TBC1D14: variants seen among roughly 807,000 people sequenced by gnomAD.
TBC1D14 encodes the protein TBC1 domain family member 14, also known as TBC1 domain family, member 14.
In TBC1D14, 26 loss-of-function variants were observed where a neutral mutation model predicts 79.0. The observed-to-expected ratio is 0.33, with a 90% CI of 0.24 to 0.46. The LOEUF (loss-of-function observed/expected upper bound fraction) is 0.46, where lower values mean the gene tolerates loss of function less well. Among genes scored for constraint, TBC1D14 ranks in the 20% least tolerant of loss-of-function variants. TBC1D14 has a pLI of 1.00. For missense variants in TBC1D14, 769 were observed against 887.6 expected (o/e 0.87, Z 1.70); for synonymous variants, 394 against 349.9 (o/e 1.13, Z -1.40).
chr4:7,001,430 A>G (rs1026402769), intron 7 of TBC1D14, 179 bp downstream of exon 7: 27 of 578,938 alleles, frequency 4.7e-5, no homozygotes, highest in Non-Finnish European at 8.0e-5. Flanking sequence ...AGTGCTGTGC[A>G]CTCCGGTTAC....
intron 13 of TBC1D14, among the ~76,000 whole-genome samples, chr4:7,028,948 C>T (rs1722762937): frequency 6.6e-6 from 1 of 152,138 alleles, no homozygotes; most frequent in Admixed American, 6.5e-5. Flanking sequence ...AGCAATTCTT[C>T]CACCTCAATC....
At chr4:7,002,065 G>A (rs1300605766) in intron 7 of TBC1D14, among the ~76,000 whole-genome samples, 1 of 152,100 alleles carries the variant, frequency 6.6e-6, no homozygotes, top group African/African-American at 2.4e-5. Context: ...CTCTAGTTGG[G>A]GTTTTGATTG....
intron 3 of TBC1D14, among the ~76,000 whole-genome samples, chr4:6,984,181 C>T (rs965981990): frequency 1.1e-4 from 16 of 152,170 alleles, no homozygotes; most frequent in Non-Finnish European, 2.1e-4. Flanking sequence ...TACCTTGGTT[C>T]TGTCATTTAC....
At chr4:7,011,027 A>G (rs947470131) in intron 11 of TBC1D14, among the ~76,000 whole-genome samples, 1 of 152,172 alleles carries the variant, frequency 6.6e-6, no homozygotes, top group Non-Finnish European at 1.5e-5. Context: ...CATTACCTGT[A>G]TTTTTGAAAA....
At chr4:6,989,120 T>C (rs1391528869) in intron 3 of TBC1D14, among the ~76,000 whole-genome samples, 1 of 152,120 alleles carries the variant, frequency 6.6e-6, no homozygotes, top group Non-Finnish European at 1.5e-5. Flanking sequence ...AGCAGGCTTT[T>C]CCCCCGCTTT....
chr4:6,992,972 C>T (rs1450149610), intron 3 of TBC1D14, among the ~76,000 whole-genome samples: 5 of 152,216 alleles, frequency 3.3e-5, no homozygotes, highest in South Asian at 4.1e-4. Flanking sequence ...TCTTGGTGCA[C>T]GTCCTTCTCA....
chr4:6,972,899 A>G (rs1716342984), intron 3 of TBC1D14, among the ~76,000 whole-genome samples: 1 of 152,198 alleles, frequency 6.6e-6, no homozygotes, highest in Admixed American at 6.5e-5. Context: ...TCAGAGGCTC[A>G]GGGCTGAAAA....
chr4:6,956,789 T>C (rs1231005539), intron 2 of TBC1D14, among the ~76,000 whole-genome samples: 1 of 152,234 alleles, frequency 6.6e-6, no homozygotes, highest in African/African-American at 2.4e-5. Context: ...CTGAGCTGCC[T>C]GTGCGGGGAA....
At position 7,031,390 on chromosome 4, in the gene TBC1D14, A is replaced by G. The variant is rs1723025452; in HGVS notation, c.*998A>G. 6.6e-6 allele frequency: 1 copy of G among 152,288 alleles called. No homozygotes were observed. Among genetic ancestry groups the G allele is most frequent in the Admixed American group, 6.5e-5 (1 of 15,290 alleles). The allele number at this position is 152,288 out of a possible 1,614,324, so 9.4% of individuals were successfully genotyped here. A position where few individuals can be genotyped will look rare whatever the true frequency, so the allele number is the denominator to read the frequency against. On this transcript the variant is annotated 3_prime_UTR_variant, in exon 14 of 14. Transcript: ENST00000409757. Reference sequence around the variant, plus strand: ...GTGAGTCCCTCACACATTTGACTTTAGAACGTGTGCTTCATGACCCGTTGT... The same window carrying G: ...GTGAGTCCCTCACACATTTGACTTTGGAACGTGTGCTTCATGACCCGTTGT...
intron 3 of TBC1D14, among the ~76,000 whole-genome samples, chr4:6,990,203 A>G (rs1355206353): frequency 6.6e-6 from 1 of 152,198 alleles, no homozygotes; most frequent in African/African-American, 2.4e-5. Flanking sequence ...TAATCCCAGC[A>G]CTTTGGAGGC....
intron 6 of TBC1D14, 59 bp downstream of exon 6, chr4:6,999,261 G>C (rs2109188660): frequency 1.4e-6 from 2 of 1,466,412 alleles, no homozygotes; most frequent in Non-Finnish European, 9.5e-7. Flanking sequence ...GAATCTGTGG[G>C]CCACAGCTGT....
intron 12 of TBC1D14, among the ~76,000 whole-genome samples, chr4:7,015,980 G>GT (rs1397687778): frequency 6.6e-6 from 1 of 152,244 alleles, no homozygotes; most frequent in Non-Finnish European, 1.5e-5. Flanking sequence ...GGCTGGTTTG[G>GT]TTTTGTTGTT....
At position 6,923,773 on chromosome 4, in the gene TBC1D14, C is replaced by T; in HGVS notation, c.384C>T (p.Ser128=). ...TEREQSVRKS[S]TFPRTGYDSV... is the part of the protein sequence containing the mutation. Reference sequence around the variant, plus strand: ...GGGAACAGAGCGTGCGCAAATCCTCCACGTTTCCCAGGACAGGCTATGACT... The same window carrying T: ...GGGAACAGAGCGTGCGCAAATCCTCTACGTTTCCCAGGACAGGCTATGACT... Residue 128 remains serine (S), a synonymous_variant, in exon 2 of 14, where the codon TCC becomes TCT. Transcript: ENST00000409757. The T allele has an allele frequency of 6.2e-7, 1 of 1,614,098 alleles. No homozygotes were observed. The highest frequency in any genetic ancestry group is 8.5e-7 in the Non-Finnish European group (1 of 1,180,046).
chr4:6,953,011 AT>A (rs1275436769), intron 2 of TBC1D14, among the ~76,000 whole-genome samples: 1 of 98,970 alleles, frequency 1.0e-5, no homozygotes, highest in African/African-American at 3.9e-5. Context: ...CTAGCTAACT[AT>A]TTTTTTCTTT....
At chr4:6,945,813 A>C (rs913931619) in intron 2 of TBC1D14, among the ~76,000 whole-genome samples, 1 of 145,368 alleles carries the variant, frequency 6.9e-6, no homozygotes, top group Non-Finnish European at 1.5e-5. Flanking sequence ...GAAATGAGAT[A>C]GCATGGGAGG....
intron 2 of TBC1D14, among the ~76,000 whole-genome samples, chr4:6,930,417 C>A (rs1384471760): frequency 6.6e-6 from 1 of 152,176 alleles, no homozygotes. Context: ...CTGCAGGTGC[C>A]TCCTGGAGGC....
intron 2 of TBC1D14, among the ~76,000 whole-genome samples, chr4:6,947,038 T>C (rs66734745): frequency 0.14 from 21,689 of 152,148 alleles, 2,205 homozygotes; most frequent in African/African-American, 0.29. Context: ...ATGGGCATTT[T>C]TGCTCTGCCA....
intron 1 of TBC1D14, among the ~76,000 whole-genome samples, chr4:6,922,246 G>A (rs181962235): frequency 1.7e-4 from 26 of 152,228 alleles, no homozygotes; most frequent in African/African-American, 5.8e-4. Flanking sequence ...TGTAGAGACA[G>A]GGTCTTGTTA....
At chr4:6,984,922 T>C (rs1012660398) in intron 3 of TBC1D14, among the ~76,000 whole-genome samples, 1 of 152,130 alleles carries the variant, frequency 6.6e-6, no homozygotes, top group Non-Finnish European at 1.5e-5. Flanking sequence ...TTGTGTACGA[T>C]TGTGAACGCC....
Sources: gnomAD v4.1 joint callset for allele counts (sites outside exome capture counted in the v4.1 genomes callset) on GRCh38, gnomAD v4.1.1 for gene constraint, MANE v1.5 for transcripts, NCBI Gene and HGNC (gene_info 2026-07-23, HGNC 2026-07-21) for gene names.